The following TSPAN9 variants were observed in gnomAD, a reference collection of about 807,000 sequenced individuals.
TSPAN9 encodes tetraspanin 9.
In TSPAN9, 16 loss-of-function variants were observed where a neutral mutation model predicts 31.0. That is an observed-to-expected ratio of 0.52 (90% CI 0.35 to 0.78). TSPAN9 has a LOEUF of 0.78. Ranked by LOEUF, TSPAN9 falls within the 30% of genes least tolerant of loss-of-function variation. TSPAN9 has a pLI of 0.01. For synonymous variants in TSPAN9, 145 were observed against 121.6 expected (o/e 1.19, Z -1.27); for missense variants, 272 against 312.5 (o/e 0.87, Z 0.98).
intron 3 of TSPAN9, among the ~76,000 whole-genome samples, chr12:3,222,988 C>T (rs1440372201): frequency 4.1e-5 from 6 of 145,202 alleles, no homozygotes; most frequent in East Asian, 2.3e-4. Flanking sequence ...GGGGTGTGGG[C>T]GGGCTGTGCC....
chr12:3,200,759 C>T (rs1275634706), intron 2 of TSPAN9: 1 of 153,642 alleles, frequency 6.5e-6, no homozygotes, highest in Non-Finnish European at 1.4e-5. Flanking sequence ...AGGCAGCAGC[C>T]CCTGGGCGCG....
chr12:3,222,821 C>G (rs2153975107), intron 3 of TSPAN9, among the ~76,000 whole-genome samples: 1 of 152,346 alleles, frequency 6.6e-6, no homozygotes, highest in East Asian at 1.9e-4. Flanking sequence ...AACCACCCCC[C>G]AGGTCCCACC....
intron 3 of TSPAN9, among the ~76,000 whole-genome samples, chr12:3,232,272 T>G (rs1364521109): frequency 1.6e-5 from 2 of 123,346 alleles, no homozygotes; most frequent in East Asian, 2.1e-4. Flanking sequence ...TTCTGTTATG[T>G]TTTTTTTTTT....
intron 3 of TSPAN9, among the ~76,000 whole-genome samples, chr12:3,270,378 C>T (rs1389152636): frequency 3.3e-5 from 5 of 152,198 alleles, no homozygotes; most frequent in Non-Finnish European, 7.3e-5. Context: ...CCCCATCCCT[C>T]CCCTTCTCTG....
chr12:3,089,567 T>C (rs1339337492), intron 2 of TSPAN9, among the ~76,000 whole-genome samples: 3 of 152,116 alleles, frequency 2.0e-5, no homozygotes, highest in South Asian at 2.1e-4. Flanking sequence ...AGTGCTGGGA[T>C]TACAGGTGTG....
chr12:3,201,768 C>T (rs367850656), intron 3 of TSPAN9, among the ~76,000 whole-genome samples: 5 of 152,190 alleles, frequency 3.3e-5, no homozygotes, highest in African/African-American at 1.2e-4. Context: ...CCACTCCTTT[C>T]GGTGAATCCT....
rs556474706 is a variant in TSPAN9, at chr12:3,278,413, C to G, written c.64-8C>G. 2 of 1,613,928 alleles carry G rather than the reference C, an allele frequency of 1.2e-6. No individual in the cohort carries two copies. Among genetic ancestry groups the G allele is most frequent in the Admixed American group, 3.3e-5 (2 of 60,018 alleles). On this transcript the variant is annotated splice_polypyrimidine_tract_variant and splice_region_variant and intron_variant, in intron 3 of 8. Coordinates refer to ENST00000011898, the MANE Select transcript of TSPAN9 (RefSeq NM_006675.5). ...GCGCCAGGCTAATGGGCTTTCCTTC[C>G]TTTCCAGCTCTGTGGCTGTGGGCTG...
chr12:3,078,342 T>C (rs940638835), intron 1 of TSPAN9, among the ~76,000 whole-genome samples: 6 of 152,054 alleles, frequency 3.9e-5, no homozygotes, highest in Admixed American at 1.3e-4. Context: ...TTCCCTGGGG[T>C]GACTCAGGTA....
intron 2 of TSPAN9, among the ~76,000 whole-genome samples, chr12:3,146,688 C>G (rs970344064): frequency 3.9e-5 from 6 of 152,202 alleles, no homozygotes; most frequent in African/African-American, 1.2e-4. Context: ...CTTTCTCCAC[C>G]TGCTTTGTGT....
At chr12:3,236,569 C>T (rs949209676) in intron 3 of TSPAN9, among the ~76,000 whole-genome samples, 21 of 152,180 alleles carry the variant, frequency 1.4e-4, no homozygotes, top group Non-Finnish European at 2.9e-4. Flanking sequence ...GAACGCCCGG[C>T]ATGCTGTTGG....
At position 3,094,847 on chromosome 12, in the gene TSPAN9, CTTTTT is replaced by C. The variant is rs61154605; in HGVS notation, c.-18+11146_-18+11150del. Among the ~76,000 whole-genome samples, 17 of 101,946 alleles carry C rather than the reference CTTTTT, an allele frequency of 1.7e-4. No homozygotes were observed. The East Asian group carries it at 4.0e-3, about 24-fold the overall frequency. The allele number at this position is 101,946 out of a possible 152,430, so 66.9% of individuals were successfully genotyped here. On this transcript the variant is annotated intron_variant, in intron 2 of 8. Coordinates refer to ENST00000011898, the MANE Select transcript of TSPAN9 (RefSeq NM_006675.5). Reference sequence around the variant, plus strand: ...AACACGCCCGGCAAAAATCAATAATCTTTTTTTTTTTTTTTTTTTTTTGTTTTTAA... The same window carrying C: ...AACACGCCCGGCAAAAATCAATAATCTTTTTTTTTTTTTTTTTGTTTTTAA...
chr12:3,226,702 G>GTA (rs2098387406), intron 3 of TSPAN9, among the ~76,000 whole-genome samples: 1 of 39,882 alleles, frequency 2.5e-5, no homozygotes, highest in Non-Finnish European at 4.5e-5. Context: ...GTGTGTGTGT[G>GTA]TGTGTATGTG....
At chr12:3,261,463 A>G (rs974292782) in intron 3 of TSPAN9, among the ~76,000 whole-genome samples, 17 of 152,284 alleles carry the variant, frequency 1.1e-4, no homozygotes, top group African/African-American at 2.2e-4. Flanking sequence ...GCTCGAGCCT[A>G]CGCTCTCAAC....
rs1863002954 is a variant in TSPAN9 at position 3,285,754 on chromosome 12, C to T, written c.*2638C>T. The T allele has an allele frequency of 6.6e-6, 1 of 152,234 alleles. No homozygotes were observed. The highest frequency in any genetic ancestry group is 6.5e-5 in the Admixed American group (1 of 15,280). The allele number at this position is 152,234 out of a possible 1,614,324, so 9.4% of individuals were successfully genotyped here. A position where few individuals can be genotyped will look rare whatever the true frequency, so the allele number is the denominator to read the frequency against. ...TCAGTTCAATCAGGTCTGATGTGAG[C>T]AATTTACACACTTGTCTCAGAAAGT... is the stretch of plus-strand genomic sequence containing the variant. On this transcript the variant is annotated 3_prime_UTR_variant, in exon 9 of 9. Transcript: ENST00000011898.
chr12:3,189,131 G>T (rs1292944467), intron 2 of TSPAN9, among the ~76,000 whole-genome samples: 1 of 152,228 alleles, frequency 6.6e-6, no homozygotes, highest in Non-Finnish European at 1.5e-5. Context: ...CAAGAAGAGT[G>T]CCTCTTCATT....
At position 3,281,715 on chromosome 12, in the gene TSPAN9, C is replaced by T. The variant is rs369056044; in HGVS notation, c.565-19C>T. On this transcript the variant is annotated intron_variant, in intron 7 of 8. Coordinates refer to ENST00000011898, the MANE Select transcript of TSPAN9 (RefSeq NM_006675.5). ...CATGCTTGGGCTGGGACCCTAACCT[C>T]GTGGGCCTCGCTCCCCAGGGCTGCT... 4.4e-5 allele frequency: 70 copies of T among 1,607,410 alleles called. No individual in the cohort carries two copies. The highest frequency in any genetic ancestry group is 2.4e-4 in the African/African-American group (18 of 74,930).
intron 2 of TSPAN9, among the ~76,000 whole-genome samples, chr12:3,181,338 C>T (rs952188805): frequency 3.9e-5 from 6 of 152,168 alleles, no homozygotes; most frequent in African/African-American, 1.4e-4. Context: ...ATCCATAATT[C>T]AGACAAGGAA....
At chr12:3,171,926 A>G (rs2098352071) in intron 2 of TSPAN9, 1 of 152,102 alleles carries the variant, frequency 6.6e-6, no homozygotes, top group South Asian at 2.1e-4. Context: ...GGGTGCACCT[A>G]TTTCTTTAAA....
chr12:3,146,489 A>G (rs2153968201), intron 2 of TSPAN9, among the ~76,000 whole-genome samples: 1 of 152,328 alleles, frequency 6.6e-6, no homozygotes, highest in African/African-American at 2.4e-5. Context: ...ACAGCTGTGC[A>G]CGAGACAGAC....
Sources: allele counts gnomAD v4.1 joint callset (sites outside exome capture counted in the v4.1 genomes callset), GRCh38; gene constraint gnomAD v4.1.1; transcripts MANE v1.5; gene names NCBI Gene and HGNC (gene_info 2026-07-23, HGNC 2026-07-21).